Variants in DGCR8 observed in about 807,000 individuals in gnomAD.
DGCR8 encodes microprocessor complex subunit DGCR8.
Under a neutral mutation model 78.5 loss-of-function variants are expected in DGCR8, and 14 were observed. The ratio of observed to expected loss-of-function variants is 0.18; its 90% confidence interval spans 0.12 to 0.28. The LOEUF (loss-of-function observed/expected upper bound fraction) is 0.28. Ranked by LOEUF, DGCR8 falls within the 10% of genes least tolerant of loss-of-function variation. DGCR8 has a pLI of 1.00. For synonymous variants in DGCR8, 399 were observed against 402.4 expected (o/e 0.99, Z 0.10); for missense variants, 702 against 1,022.5 (o/e 0.69, Z 4.28).
chr22:20,087,111 G>A lies in DGCR8; in HGVS notation c.721-51G>A, dbSNP rs745376340. The A allele has an allele frequency of 5.1e-6, 8 of 1,562,506 alleles. No homozygotes were observed. The highest frequency in any genetic ancestry group is 6.1e-6 in the Non-Finnish European group (7 of 1,151,714). On this transcript the variant is annotated intron_variant, in intron 2 of 13. Coordinates refer to ENST00000351989, the MANE Select transcript of DGCR8 (RefSeq NM_022720.7). This position sits in a 1 kb window ranked among gnomAD's most constrained non-coding sequence, Gnocchi z 4.1. ...AGGAATGCTGTTGAGCTCTCCTGTT[G>A]CAGGAGCATGAGCGCCAGGGGCTCT...
Position 20,086,008 on chromosome 22 carries a change from A to T in DGCR8, c.45A>T (p.Ala15=). 5.0e-6 allele frequency: 8 copies of T among 1,610,970 alleles called. No homozygotes were observed. Among genetic ancestry groups the T allele is most frequent in the Non-Finnish European group, 6.8e-6 (8 of 1,178,246 alleles). The change falls in exon 2 of 14, where the codon GCA becomes GCT. Residue 15 remains alanine, a synonymous_variant. Transcript: ENST00000351989. The surrounding 1 kb of genome is among the most constrained non-coding windows in gnomAD (Gnocchi z 6.4). ...CCTCTCCGCTCCCGTGTGGGCCCGC[A>T]GGAGAAGCGGTGATGGAGAGCCGAG... The part of the protein sequence containing the change: ...ESPSPLPCGP[A]GEAVMESRAR...
chr22:20,094,818 G>C, intron 9 of DGCR8, 23 bp downstream of exon 9: 2 of 1,608,962 alleles, frequency 1.2e-6, no homozygotes, highest in Non-Finnish European at 8.5e-7. Context: ...GTCCTGCCCT[G>C]CTGGGAGCTG....
At chr22:20,106,880 G>A in intron 11 of DGCR8, 182 bp downstream of exon 11, 1 of 602,728 alleles carries the variant, frequency 1.7e-6, no homozygotes, top group South Asian at 1.9e-5. Flanking sequence ...CACTTTCCCT[G>A]TCTTTTCCCT....
At position 20,092,824 on chromosome 22, in the gene DGCR8, CT is replaced by C; in HGVS notation, c.1626del (p.Phe542LeufsTer5). 6.2e-7 allele frequency: 1 copy of C among 1,613,046 alleles called. No individual in the cohort carries two copies. Among genetic ancestry groups the C allele is most frequent in the Non-Finnish European group, 8.5e-7 (1 of 1,179,542 alleles). The stretch of plus-strand genomic sequence containing the variant: ...TAATTTTAAGAGAACCCAAGTGAGC[CT>C]TTTGGTGCCTCGGTGACCATTGATG... ...NFFECENPSE[P>X]FGASVTIDGV... On this transcript the variant is annotated frameshift_variant, in exon 8 of 14. Coordinates refer to ENST00000351989, the MANE Select transcript of DGCR8 (RefSeq NM_022720.7). LOFTEE classifies it high-confidence loss of function.
intron 9 of DGCR8, among the ~76,000 whole-genome samples, chr22:20,104,330 A>G (rs2049744454): frequency 6.6e-6 from 1 of 150,602 alleles, no homozygotes. Context: ...GCGCCCGGCT[A>G]ATTTTTTTTT....
At chr22:20,109,623 C>T (rs557487212) in intron 13 of DGCR8, among the ~76,000 whole-genome samples, 24 of 152,286 alleles carry the variant, frequency 1.6e-4, no homozygotes, top group Non-Finnish European at 2.9e-4. Context: ...TGCCCCTGGT[C>T]GGAAGAGGGG....
rs2049490423 is a variant in DGCR8, at chr22:20,086,834, G to C, written c.720+151G>C. Reference sequence around the variant, plus strand: ...GGTGGAATAATGTTAATGTGGAGAAGAGAAAGATGTAAGGAGTCCAGATTT... The same window carrying C: ...GGTGGAATAATGTTAATGTGGAGAACAGAAAGATGTAAGGAGTCCAGATTT... On this transcript the variant is annotated intron_variant, in intron 2 of 13. Coordinates refer to ENST00000351989, the MANE Select transcript of DGCR8 (RefSeq NM_022720.7). The surrounding 1 kb of genome is among the most constrained non-coding windows in gnomAD (Gnocchi z 6.4). 9.8e-7 allele frequency: 1 copy of C among 1,018,646 alleles called. No individual in the cohort carries two copies. Among genetic ancestry groups the C allele is most frequent in the African/African-American group, 1.6e-5 (1 of 61,756 alleles). 63.1% of individuals were successfully genotyped at this position (1,018,646 alleles called of 1,614,324 possible). A position where few individuals can be genotyped will look rare whatever the true frequency, so the allele number is the denominator to read the frequency against.
At chr22:20,080,507 G>C in intron 1 of DGCR8, 124 bp downstream of exon 1, 1 of 983,048 alleles carries the variant, frequency 1.0e-6, no homozygotes, top group African/African-American at 1.7e-5. Flanking sequence ...GGGGCGCGGA[G>C]CCCGGCCTTT....
intron 9 of DGCR8, among the ~76,000 whole-genome samples, chr22:20,098,370 T>C (rs987649606): frequency 2.6e-5 from 4 of 152,270 alleles, no homozygotes; most frequent in Admixed American, 6.5e-5. Flanking sequence ...TTCTGGTAAG[T>C]CCAGTTCTCA....
In DGCR8 at chr22:20,111,437, C is replaced by A; in HGVS notation, c.*1329C>A. ...CCACAACATATCCTTCCCTCACTAC[C>A]TGTGTGACCAAGGTTGGCTTCTGTT... On this transcript the variant is annotated 3_prime_UTR_variant, in exon 14 of 14. Transcript: ENST00000351989. 1 of 398,164 alleles carries A rather than the reference C, an allele frequency of 2.5e-6. No individual in the cohort carries two copies. Among genetic ancestry groups the A allele is most frequent in the East Asian group, 3.6e-5 (1 of 27,992 alleles). 24.7% of individuals were successfully genotyped at this position (398,164 alleles called of 1,614,324 possible).
intron 6 of DGCR8, 77 bp downstream of exon 6, chr22:20,091,709 T>C (rs1490372487): frequency 1.9e-6 from 3 of 1,568,100 alleles, no homozygotes; most frequent in Non-Finnish European, 2.6e-6. Flanking sequence ...GGGCATGTTT[T>C]ATGAGTTGCA....
chr22:20,096,719 C>G (rs993530518), intron 9 of DGCR8, among the ~76,000 whole-genome samples: 43 of 152,214 alleles, frequency 2.8e-4, no homozygotes, highest in African/African-American at 1.0e-3. Context: ...CTTTCTGTCT[C>G]TATATATCTG....
chr22:20,096,690 A>G (rs1344798384), intron 9 of DGCR8, among the ~76,000 whole-genome samples: 1 of 152,194 alleles, frequency 6.6e-6, no homozygotes, highest in African/African-American at 2.4e-5. Flanking sequence ...CTCTCCAACC[A>G]CCAAAAGCCA....
intron 1 of DGCR8, chr22:20,080,598 C>G (rs1459768091): frequency 6.7e-6 from 4 of 596,338 alleles, no homozygotes; most frequent in Non-Finnish European, 8.4e-6. Flanking sequence ...CGGGCCCAGG[C>G]GTTGCCGACT....
intron 9 of DGCR8, among the ~76,000 whole-genome samples, chr22:20,095,359 G>A (rs1451307836): frequency 2.0e-5 from 3 of 152,134 alleles, no homozygotes; most frequent in Non-Finnish European, 4.4e-5. Flanking sequence ...ACTCGCTTCC[G>A]CCTCCTAAAG....
intron 9 of DGCR8, among the ~76,000 whole-genome samples, chr22:20,104,274 C>T (rs1457935200): frequency 2.0e-5 from 3 of 152,042 alleles, no homozygotes; most frequent in Non-Finnish European, 4.4e-5. Flanking sequence ...ACGCCATTCT[C>T]CTGCCTCAGC....
Position 20,110,468 on chromosome 22 carries a change from A to T in DGCR8, c.*360A>T, listed in dbSNP as rs1481115515. On this transcript the variant is annotated 3_prime_UTR_variant, in exon 14 of 14. Transcript: ENST00000351989. ...AGTATGTAATACGCACTGACGACAC[A>T]TGATGCTTGGATGACAGATGAGAGG... 5.2e-6 allele frequency: 1 copy of T among 193,936 alleles called. No individual in the cohort carries two copies. Among genetic ancestry groups the T allele is most frequent in the Non-Finnish European group, 1.1e-5 (1 of 94,762 alleles). 12.0% of individuals were successfully genotyped at this position (193,936 alleles called of 1,614,324 possible).
rs563445967 is a variant in DGCR8, at chr22:20,109,037, C to T, written c.2238+34C>T. On this transcript the variant is annotated intron_variant, in intron 13 of 13. Coordinates refer to ENST00000351989, the MANE Select transcript of DGCR8 (RefSeq NM_022720.7). ...CACCCTAGCGGGAGGGCTGCCGGGCCACGGCCATTCCTGTGGCACCTGTGG... is the reference window on the plus strand; with the variant it reads ...CACCCTAGCGGGAGGGCTGCCGGGCTACGGCCATTCCTGTGGCACCTGTGG... 1.4e-5 allele frequency: 16 copies of T among 1,156,832 alleles called. No homozygotes were observed. In the South Asian group the frequency reaches 1.7e-4, roughly 12 times the overall value. The allele number at this position is 1,156,832 out of a possible 1,614,324, so 71.7% of individuals were successfully genotyped here.
intron 1 of DGCR8, 74 bp downstream of exon 1, chr22:20,080,457 C>G (rs57117909): frequency 2.0e-6 from 2 of 981,890 alleles, no homozygotes; most frequent in African/African-American, 3.5e-5. Context: ...CGCGCCCTTC[C>G]CTCCCGCCTC....
Sources: allele counts gnomAD v4.1 joint callset (sites outside exome capture counted in the v4.1 genomes callset), GRCh38; gene constraint gnomAD v4.1.1; non-coding constraint Gnocchi (gnomAD v3.1); transcripts MANE v1.5; gene names NCBI Gene and HGNC (gene_info 2026-07-23, HGNC 2026-07-21).